The following TUBB8B variants were observed in gnomAD, a reference collection of about 807,000 sequenced individuals.
TUBB8B encodes the protein tubulin beta 8B, also known as HSA18p11 beta-tubulin 4Q pseudogene.
In TUBB8B, 26 loss-of-function variants were observed where a neutral mutation model predicts 31.9. That is an observed-to-expected ratio of 0.81 (90% confidence interval 0.60 to 1.13). TUBB8B has a LOEUF of 1.13. Among genes scored for constraint, TUBB8B ranks in the 50% most tolerant of loss-of-function variants. The pLI is 0.00. For synonymous variants in TUBB8B, 173 were observed against 231.0 expected, an observed-to-expected ratio of 0.75 and a Z score of 2.28; for missense variants, 467 against 586.7, an observed-to-expected ratio of 0.80 and a Z score of 2.11.
chr18:63,927 T>C, the TUBB8B span, among the ~76,000 whole-genome samples: 4 of 143,698 alleles, frequency 2.8e-5, no homozygotes, highest in Admixed American at 1.4e-4. Flanking sequence ...ACCCTAGTCC[T>C]AGCCTTAGCC....
chr18:68,493 C>A, the TUBB8B span, among the ~76,000 whole-genome samples: 1 of 152,182 alleles, frequency 6.6e-6, no homozygotes, highest in African/African-American at 2.4e-5. Context: ...AGTTTCACAA[C>A]GTTGGCAGAT....
rs1430606464 is a variant in TUBB8B, at chr18:47,393, G to C, written c.1332C>G (p.Ala444=). ...EDEEYAEEEV[A] ...CTTTACCTAGAAAAGGAGAGTTCTA[G>C]GCCACCTCCTCCTCGGCATACTCCT... Residue 444 remains alanine, a synonymous_variant, in exon 4 of 4, where the codon GCC becomes GCG. Coordinates refer to ENST00000308911, the MANE Select transcript of TUBB8B (RefSeq NM_001358689.2). 1.0e-6 allele frequency: 1 copy of C among 958,920 alleles called. No homozygotes were observed. The highest frequency in any genetic ancestry group is 1.6e-6 in the Non-Finnish European group (1 of 612,518). The allele number at this position is 958,920 out of a possible 1,614,324, so 59.4% of individuals were successfully genotyped here.
At chr18:49,373 C>G (rs1405818133) in intron 1 of TUBB8B, 128 bp downstream of exon 1, 14 of 794,614 alleles carry the variant, frequency 1.8e-5, no homozygotes, top group Non-Finnish European at 2.4e-5. Context: ...TCGCCAGCCA[C>G]CCGGTTCCAC....
the TUBB8B span, among the ~76,000 whole-genome samples, chr18:62,863 C>T: frequency 1.3e-5 from 2 of 151,538 alleles, no homozygotes; most frequent in African/African-American, 4.8e-5. Flanking sequence ...TTTTTCTTTT[C>T]AAATAGTCTG....
At chr18:56,182 G>A in the TUBB8B span, among the ~76,000 whole-genome samples, 2 of 151,670 alleles carry the variant, frequency 1.3e-5, no homozygotes, top group African/African-American at 4.8e-5. Flanking sequence ...CATTCCATTT[G>A]TCTTTATGTC....
chr18:48,189 A>G lies in TUBB8B; in HGVS notation c.536T>C (p.Val179Ala). Residue 179 changes from valine (V) to alanine (A), a missense_variant, in exon 4 of 4, where the codon GTG becomes GCG. Val to Ala is a moderately conservative substitution (Grantham distance 64). Coordinates refer to ENST00000308911, the MANE Select transcript of TUBB8B (RefSeq NM_001358689.2). ...ILPSPKVSDT[V>A]VEPYNATLSV... ...GAGGGTGGCGTTGTAGGGCTCCACC[A>G]CGGTGTCCGACACCTTGGGCGAGGG... 2 of 1,610,092 alleles carry G rather than the reference A, an allele frequency of 1.2e-6. No individual in the cohort carries two copies. Among genetic ancestry groups the G allele is most frequent in the Non-Finnish European group, 1.7e-6 (2 of 1,176,274 alleles).
chr18:60,177 G>A, the TUBB8B span, among the ~76,000 whole-genome samples: 8 of 151,728 alleles, frequency 5.3e-5, no homozygotes, highest in East Asian at 1.6e-3. Context: ...TTATTGGTCT[G>A]TTCAGGTTTT....
In TUBB8B at chr18:49,050, C is replaced by T; in HGVS notation, c.167G>A (p.Gly56Asp). 1.3e-6 allele frequency: 2 copies of T among 1,596,940 alleles called. No homozygotes were observed. Among genetic ancestry groups the T allele is most frequent in the Non-Finnish European group, 1.7e-6 (2 of 1,168,092 alleles). The change falls in exon 3 of 4, where the codon GGT becomes GAT. Residue 56 changes from glycine (G) to aspartate (D), a missense_variant and splice_region_variant. Coordinates refer to ENST00000308911, the MANE Select transcript of TUBB8B (RefSeq NM_001358689.2). ...RINVHHHEAS[G>D]GRYVPRAVLV... ...CACAGCGCGGGGCACGTACCTGCCA[C>T]CTGCGTGGGGCGGGAGGGCATGAGC... is the stretch of plus-strand genomic sequence containing the variant.
upstream of TUBB8B, among the ~76,000 whole-genome samples, chr18:52,745 A>C (rs1022577534): frequency 1.3e-5 from 2 of 151,908 alleles, no homozygotes; most frequent in Non-Finnish European, 2.9e-5. Context: ...TGTGCAGGAA[A>C]AAATTTGAGG....
chr18:65,060 G>C, the TUBB8B span, among the ~76,000 whole-genome samples: 17 of 152,078 alleles, frequency 1.1e-4, no homozygotes, highest in Non-Finnish European at 2.1e-4. Flanking sequence ...CAGCACTTTG[G>C]GAGGCCAAGG....
chr18:48,091 A>G lies in TUBB8B; in HGVS notation c.634T>C (p.Ser212Pro), dbSNP rs1905772133. The G allele has an allele frequency of 6.2e-7, 1 of 1,613,910 alleles. No individual in the cohort carries two copies. Among genetic ancestry groups the G allele is most frequent in the African/African-American group, 1.3e-5 (1 of 74,960 alleles). Residue 212 changes from serine to proline, a missense_variant, in exon 4 of 4, where the codon TCC (serine) becomes CCC (proline). This residue lies in a region of TUBB8B where 259 missense variants were observed against 380.1 expected (regional missense o/e 0.68). Coordinates refer to ENST00000308911, the MANE Select transcript of TUBB8B (RefSeq NM_001358689.2). The stretch of plus-strand genomic sequence containing the variant: ...GGTGTGGGCAGTTTTAGGGTCCTGG[A>G]ACATATGTCATATAGCGCTTCGTTA... The part of the protein sequence containing the change: ...IDNEALYDIC[S>P]RTLKLPTPTY...
chr18:71,568 TTAAAAAAAAA>T, the TUBB8B span, among the ~76,000 whole-genome samples: 1 of 78,466 alleles, frequency 1.3e-5, no homozygotes, highest in African/African-American at 4.6e-5. Context: ...AAAAAAAAAT[TTAAAAAAAAA>T]AAAAAAAAAA....
In TUBB8B at chr18:49,048, C is replaced by A. The variant is rs1905907503; in HGVS notation, c.169G>T (p.Gly57Cys). ...INVHHHEASG[G>C]RYVPRAVLVD... ...AGCACAGCGCGGGGCACGTACCTGCCACCTGCGTGGGGCGGGAGGGCATGA... is the reference window on the plus strand; with the variant it reads ...AGCACAGCGCGGGGCACGTACCTGCAACCTGCGTGGGGCGGGAGGGCATGA... Residue 57 changes from glycine (G) to cysteine (C), a missense_variant and splice_region_variant, in exon 3 of 4, where the codon GGC (glycine) becomes TGC (cysteine). Gly to Cys is a radical substitution (Grantham distance 159, BLOSUM62 -3). Around this residue, in one of 2 missense-constraint regions of TUBB8B, gnomAD observed 259 missense variants for 380.1 expected, o/e 0.68. Coordinates refer to ENST00000308911, the MANE Select transcript of TUBB8B (RefSeq NM_001358689.2). 1 of 1,599,278 alleles carries A rather than the reference C, an allele frequency of 6.3e-7. No individual in the cohort carries two copies. Among genetic ancestry groups the A allele is most frequent in the Admixed American group, 1.7e-5 (1 of 59,840 alleles).
At chr18:51,533 G>A (rs565362841), upstream of TUBB8B, among the ~76,000 whole-genome samples, 20 of 152,046 alleles carry the variant, frequency 1.3e-4, no homozygotes, top group African/African-American at 4.1e-4. Flanking sequence ...TCTGATTCCC[G>A]GGTTCAAGCG....
rs1288211883 is a variant in TUBB8B at position 47,630 on chromosome 18, G to A, written c.1095C>T (p.Ala365=). The A allele has an allele frequency of 2.5e-6, 4 of 1,612,514 alleles. No homozygotes were observed. Among genetic ancestry groups the A allele is most frequent in the Non-Finnish European group, 2.5e-6 (3 of 1,179,356 alleles). The part of the protein sequence containing the change: ...DIPPRGLKMS[A]TFIGNNAAIQ... ...TGGCCGCATTATTCCCAATGAAGGT[G>A]GCTGACATTTTTAGCCCCCGGGGTG... Residue 365 remains alanine, a synonymous_variant, in exon 4 of 4, where the codon GCC becomes GCT. Coordinates refer to ENST00000308911, the MANE Select transcript of TUBB8B (RefSeq NM_001358689.2).
At chr18:65,840 A>C in the TUBB8B span, among the ~76,000 whole-genome samples, 1 of 152,308 alleles carries the variant, frequency 6.6e-6, no homozygotes, top group Non-Finnish European at 1.5e-5. Context: ...AAAACTAGTA[A>C]ACTACAACAC....
chr18:56,427 A>T, the TUBB8B span, among the ~76,000 whole-genome samples: 1 of 151,926 alleles, frequency 6.6e-6, no homozygotes. Context: ...GACATTTTTT[A>T]AAATACTGAT....
upstream of TUBB8B, among the ~76,000 whole-genome samples, chr18:52,925 T>C (rs77802347): frequency 2.0e-5 from 3 of 151,764 alleles, no homozygotes; most frequent in East Asian, 3.9e-4. Context: ...GATGTACTCA[T>C]TGAAGTCGGG....
the TUBB8B span, among the ~76,000 whole-genome samples, chr18:57,118 C>T: frequency 6.6e-6 from 1 of 151,770 alleles, no homozygotes; most frequent in Non-Finnish European, 1.5e-5. Flanking sequence ...CACACCTAAA[C>T]TATATCATTT....
Sources: allele counts gnomAD v4.1 joint callset (sites outside exome capture counted in the v4.1 genomes callset), GRCh38; gene constraint gnomAD v4.1.1; regional missense constraint gnomAD v4.1.1; transcripts MANE v1.5; gene names NCBI Gene and HGNC (gene_info 2026-07-23, HGNC 2026-07-21).